Variants in CGGBP1 observed in about 807,000 individuals in gnomAD.
The protein encoded by CGGBP1 is CGG triplet repeat binding protein 1.
In CGGBP1, 4 loss-of-function variants were observed where a neutral mutation model predicts 11.4. That is an observed-to-expected ratio of 0.35 (90% CI 0.17 to 0.80). CGGBP1 has a LOEUF of 0.80. Among genes scored for constraint, CGGBP1 ranks in the 30% least tolerant of loss-of-function variants. The pLI is 0.52. For synonymous variants in CGGBP1, 76 were observed against 74.1 expected (o/e 1.03, Z -0.13); for missense variants, 135 against 202.1 (o/e 0.67, Z 2.01).
intron 2 of CGGBP1, chr3:88,126,127 C>A: frequency 6.7e-7 from 1 of 1,493,674 alleles, no homozygotes; most frequent in South Asian, 1.3e-5. Flanking sequence ...TGATTTTTCT[C>A]TCCTAGGAAT....
chr3:88,060,058 G>T (rs1706771986), upstream of CGGBP1, among the ~76,000 whole-genome samples: 1 of 152,044 alleles, frequency 6.6e-6, no homozygotes, highest in South Asian at 2.1e-4. Context: ...CGTAGACGCT[G>T]ACCCACGGTG....
rs554589868 is a variant in CGGBP1 at position 88,139,181 on chromosome 3, T to A, written c.-229+1789A>T. 985 of 1,418,666 alleles carry A rather than the reference T, an allele frequency of 6.9e-4. 13 individuals are homozygous for A. In the South Asian group the frequency reaches 0.016, roughly 23 times the overall value. The allele number at this position is 1,418,666 out of a possible 1,614,324, so 87.9% of individuals were successfully genotyped here. On this transcript the variant is annotated intron_variant, in intron 2 of 3. Coordinates refer to the CGGBP1 transcript ENST00000462901. The stretch of plus-strand genomic sequence containing the variant: ...ATGAAGGGTTTGACTCTCTTACAGA[T>A]CAGAGCACTGGAGAGACTGATCCTG...
chr3:88,100,366 C>T (rs1046396237), intron 2 of CGGBP1, among the ~76,000 whole-genome samples: 1 of 152,316 alleles, frequency 6.6e-6, no homozygotes, highest in East Asian at 1.9e-4. Context: ...CACTTTTACA[C>T]TGTTGGTGGG....
intron 2 of CGGBP1, chr3:88,129,082 GC>G: frequency 9.3e-7 from 1 of 1,078,812 alleles, no homozygotes; most frequent in Non-Finnish European, 1.3e-6. Flanking sequence ...AAAAAAAGTA[GC>G]CCACTGTTGT....
intron 2 of CGGBP1, among the ~76,000 whole-genome samples, chr3:88,104,419 G>T (rs1352781086): frequency 2.0e-5 from 3 of 152,176 alleles, no homozygotes; most frequent in South Asian, 2.1e-4. Context: ...CAAGAAAGCA[G>T]CCATAAACAC....
chr3:88,057,762 A>C (rs1361558369), intron 2 of CGGBP1: 1 of 152,262 alleles, frequency 6.6e-6, no homozygotes, highest in Non-Finnish European at 1.5e-5. Context: ...ATTTGTGCTA[A>C]TGTGAAAGGC....
At chr3:88,148,770 G>T (rs1707354060) in intron 1 of CGGBP1, among the ~76,000 whole-genome samples, 1 of 152,156 alleles carries the variant, frequency 6.6e-6, no homozygotes, top group South Asian at 2.1e-4. Flanking sequence ...CCTCCGAGTA[G>T]CTGGGATTAC....
chr3:88,130,426 C>A (rs1187967227), intron 2 of CGGBP1, among the ~76,000 whole-genome samples: 1 of 151,672 alleles, frequency 6.6e-6, no homozygotes, highest in Non-Finnish European at 1.5e-5. Flanking sequence ...AATCATAATA[C>A]TTCAATATTC....
intron 2 of CGGBP1, among the ~76,000 whole-genome samples, chr3:88,069,408 T>G (rs1707381795): frequency 6.6e-6 from 1 of 152,126 alleles, no homozygotes; most frequent in South Asian, 2.1e-4. Context: ...GGTGACAAAG[T>G]GAGACTCTGT....
chr3:88,129,098 A>G, intron 2 of CGGBP1: 1 of 967,902 alleles, frequency 1.0e-6, no homozygotes, highest in Non-Finnish European at 1.5e-6. Context: ...TGTTGTTGTT[A>G]AATTCCTTTT....
upstream of CGGBP1, chr3:88,059,528 C>T (rs1403982375): frequency 3.4e-6 from 5 of 1,458,960 alleles, no homozygotes; most frequent in Non-Finnish European, 4.5e-6. Flanking sequence ...TTGGCCGCCC[C>T]GACTTGTCAC....
chr3:88,062,287 G>A (rs1198764806), upstream of CGGBP1, among the ~76,000 whole-genome samples: 1 of 152,170 alleles, frequency 6.6e-6, no homozygotes, highest in African/African-American at 2.4e-5. Flanking sequence ...AAGTTAAGGT[G>A]TCTTAGTTTC....
chr3:88,068,964 T>C (rs1364640087), intron 2 of CGGBP1, among the ~76,000 whole-genome samples: 1 of 152,224 alleles, frequency 6.6e-6, no homozygotes, highest in South Asian at 2.1e-4. Flanking sequence ...CATCTATGCA[T>C]ATATATTTGA....
intron 2 of CGGBP1, among the ~76,000 whole-genome samples, chr3:88,108,686 A>T (rs1704895975): frequency 6.6e-6 from 1 of 152,178 alleles, no homozygotes; most frequent in Non-Finnish European, 1.5e-5. Flanking sequence ...AACTATCATG[A>T]GTATCACAGT....
At chr3:88,081,825 T>C (rs1708090614) in intron 2 of CGGBP1, among the ~76,000 whole-genome samples, 1 of 152,210 alleles carries the variant, frequency 6.6e-6, no homozygotes, top group Non-Finnish European at 1.5e-5. Flanking sequence ...GGCCAAGATT[T>C]GGGCACTAAG....
intron 2 of CGGBP1, among the ~76,000 whole-genome samples, chr3:88,064,662 A>G (rs1191466514): frequency 6.6e-6 from 1 of 152,194 alleles, no homozygotes; most frequent in East Asian, 1.9e-4. Context: ...CTGTTAAGCC[A>G]GTTACCACCC....
At chr3:88,069,384 T>C (rs906288343) in intron 2 of CGGBP1, among the ~76,000 whole-genome samples, 1 of 152,150 alleles carries the variant, frequency 6.6e-6, no homozygotes, top group Non-Finnish European at 1.5e-5. Flanking sequence ...ATGGCGCCGC[T>C]GCACTTCAGC....
At chr3:88,123,613 CTAAG>C (rs1705913120) in intron 2 of CGGBP1, among the ~76,000 whole-genome samples, 1 of 152,106 alleles carries the variant, frequency 6.6e-6, no homozygotes, top group Non-Finnish European at 1.5e-5. Context: ...AAAAAGAGCT[CTAAG>C]TGTTTCTTAT....
At chr3:88,146,157 T>G (rs1419391957) in intron 1 of CGGBP1, among the ~76,000 whole-genome samples, 2 of 152,154 alleles carry the variant, frequency 1.3e-5, no homozygotes, top group Non-Finnish European at 2.9e-5. Context: ...ACCTGGAAAT[T>G]TGTTAGAAAT....
Sources: gnomAD v4.1 joint callset for allele counts (sites outside exome capture counted in the v4.1 genomes callset) on GRCh38, gnomAD v4.1.1 for gene constraint, MANE v1.5 for transcripts, NCBI Gene and HGNC (gene_info 2026-07-23, HGNC 2026-07-21) for gene names.